Variants in TAFA5 observed in about 807,000 individuals in gnomAD.
TAFA5 encodes TAFA chemokine like family member 5.
A neutral mutation model predicts 15.3 loss-of-function variants in TAFA5; 6 were observed. That is an observed-to-expected ratio of 0.39 (90% CI 0.21 to 0.77). The LOEUF (loss-of-function observed/expected upper bound fraction) is 0.77. Ranked by LOEUF, TAFA5 falls within the 30% of genes least tolerant of loss-of-function variation. The pLI is 0.41. For missense variants in TAFA5, 161 were observed against 193.1 expected, an observed-to-expected ratio of 0.83 and a Z score of 0.98; for synonymous variants, 103 against 80.7, an observed-to-expected ratio of 1.28 and a Z score of -1.48.
intron 1 of TAFA5, among the ~76,000 whole-genome samples, chr22:48,625,670 A>G (rs1926003905): frequency 6.6e-6 from 1 of 152,174 alleles, no homozygotes; most frequent in Admixed American, 6.5e-5. Flanking sequence ...AACGCCAGAT[A>G]AAAGTCCTGC....
chr22:48,497,297 C>T (rs919613630), intron 1 of TAFA5, among the ~76,000 whole-genome samples: 2 of 152,188 alleles, frequency 1.3e-5, no homozygotes, highest in African/African-American at 4.8e-5. Flanking sequence ...TCCCACGGGG[C>T]CCGGCAGGGT....
intron 1 of TAFA5, 80 bp from the exon 2 acceptor site, chr22:48,646,517 G>T: frequency 6.5e-7 from 1 of 1,541,746 alleles, no homozygotes; most frequent in Non-Finnish European, 8.8e-7. Flanking sequence ...GGGCCCCTCT[G>T]TGGGTGGGCT....
chr22:48,618,209 G>C (rs1925681572), intron 1 of TAFA5, among the ~76,000 whole-genome samples: 1 of 152,248 alleles, frequency 6.6e-6, no homozygotes, highest in East Asian at 1.9e-4. Context: ...TGGGGCTCTG[G>C]AAGTCTCTAC....
chr22:48,646,215 T>C (rs1188224203), intron 1 of TAFA5, among the ~76,000 whole-genome samples: 4 of 152,266 alleles, frequency 2.6e-5, no homozygotes, highest in Non-Finnish European at 4.4e-5. Flanking sequence ...GCACTGTGCC[T>C]CGTACAGCCC....
rs367566308 is a variant in TAFA5 at position 48,727,031 on chromosome 22, T to G, written c.390+19187T>G. Among the ~76,000 whole-genome samples the G allele has an allele frequency of 2.9e-4, 44 of 152,270 alleles. 1 individual carries two copies. In the South Asian group the frequency reaches 3.9e-3, roughly 14 times the overall value. ...GTATGCTTAAATTATTGCTATCAGG[T>G]ACATTTATCATACCACCTACATACC... On this transcript the variant is annotated intron_variant, in intron 3 of 3. Transcript: ENST00000402357.
At chr22:48,511,273 C>T (rs1462014194) in intron 1 of TAFA5, among the ~76,000 whole-genome samples, 1 of 152,100 alleles carries the variant, frequency 6.6e-6, no homozygotes, top group African/African-American at 2.4e-5. Flanking sequence ...AGTCTGGAAT[C>T]CCACAGGAAA....
At chr22:48,597,045 G>T (rs1601604251) in intron 1 of TAFA5, among the ~76,000 whole-genome samples, 1 of 152,316 alleles carries the variant, frequency 6.6e-6, no homozygotes, top group African/African-American at 2.4e-5. Context: ...AGGCTCTGGC[G>T]ATCCTCCCGT....
chr22:48,586,677 G>A (rs1038833202), intron 1 of TAFA5, among the ~76,000 whole-genome samples: 5 of 152,228 alleles, frequency 3.3e-5, no homozygotes, highest in Admixed American at 3.3e-4. Context: ...ATTTTGCCTG[G>A]CTTCTCTGGA....
chr22:48,499,943 A>C (rs745866351), intron 1 of TAFA5, among the ~76,000 whole-genome samples: 1 of 152,188 alleles, frequency 6.6e-6, no homozygotes, highest in Non-Finnish European at 1.5e-5. Context: ...CTGCAGCTCC[A>C]GATCTGGTCA....
At chr22:48,738,877 G>T (rs6010515) in intron 3 of TAFA5, among the ~76,000 whole-genome samples, 2,926 of 152,188 alleles carry the variant, frequency 0.019, 94 homozygotes, top group African/African-American at 0.066. Flanking sequence ...CAGAATTCAG[G>T]GCCAAGATGG....
Position 48,489,854 on chromosome 22 carries a change from G to T in TAFA5, c.112+150G>T, listed in dbSNP as rs947347430. On this transcript the variant is annotated intron_variant, in intron 1 of 3. Coordinates refer to ENST00000402357, the MANE Select transcript of TAFA5 (RefSeq NM_001082967.3). This position sits in a 1 kb window ranked among gnomAD's most constrained non-coding sequence, Gnocchi z 5.5. ...TCCCCCGAGTCCCGGCCGGTCCAAC[G>T]CTGCGCTGGGCGGGCGAGAGGGTCC... The T allele has an allele frequency of 2.3e-6, 1 of 431,100 alleles. No homozygotes were observed. The highest frequency in any genetic ancestry group is 4.0e-6 in the Non-Finnish European group (1 of 251,272). 26.7% of individuals were successfully genotyped at this position (431,100 alleles called of 1,614,324 possible).
intron 1 of TAFA5, among the ~76,000 whole-genome samples, chr22:48,542,238 G>A (rs1437228469): frequency 6.9e-6 from 1 of 145,700 alleles, no homozygotes; most frequent in East Asian, 2.1e-4. Context: ...TGCTGTGTGT[G>A]TGTGCATATG....
chr22:48,510,524 C>G (rs1447202748), intron 1 of TAFA5, among the ~76,000 whole-genome samples: 1 of 152,218 alleles, frequency 6.6e-6, no homozygotes, highest in African/African-American at 2.4e-5. Context: ...GAGTGCAAAC[C>G]TTCATTCTGT....
intron 1 of TAFA5, among the ~76,000 whole-genome samples, chr22:48,635,457 G>C (rs1926411836): frequency 6.6e-6 from 1 of 152,228 alleles, no homozygotes; most frequent in South Asian, 2.1e-4. Context: ...CCTACCCAGG[G>C]GGCCCAGAAC....
At position 48,677,441 on chromosome 22, in the gene TAFA5, T is replaced by C. The variant is rs142598256; in HGVS notation, c.263-30276T>C. Among the ~76,000 whole-genome samples, 343 of 152,336 alleles carry C rather than the reference T, an allele frequency of 2.3e-3. 2 individuals are homozygous for C. Among genetic ancestry groups the C allele is most frequent in the African/African-American group, 8.0e-3 (332 of 41,584 alleles). On this transcript the variant is annotated intron_variant, in intron 2 of 3. Coordinates refer to ENST00000402357, the MANE Select transcript of TAFA5 (RefSeq NM_001082967.3). ...GCAGAAGGGACATGTATCCAGGCTG[T>C]AGTGACCTTCCCGTGTTCTTGAGGG...
At chr22:48,686,551 A>T (rs957386030) in intron 2 of TAFA5, among the ~76,000 whole-genome samples, 1 of 152,282 alleles carries the variant, frequency 6.6e-6, no homozygotes, top group Non-Finnish European at 1.5e-5. Flanking sequence ...TCATAATTGC[A>T]GGGGGGCACA....
At chr22:48,635,114 C>T (rs945118213) in intron 1 of TAFA5, among the ~76,000 whole-genome samples, 1 of 152,214 alleles carries the variant, frequency 6.6e-6, no homozygotes, top group Non-Finnish European at 1.5e-5. Context: ...ACGCAGAGCA[C>T]AGCCGGCCTT....
chr22:48,567,580 G>A (rs1923449763), intron 1 of TAFA5, among the ~76,000 whole-genome samples: 1 of 152,214 alleles, frequency 6.6e-6, no homozygotes, highest in African/African-American at 2.4e-5. Context: ...TGGCCAGCGT[G>A]GGCAGGTGGC....
At chr22:48,578,647 TC>T (rs1349214213) in intron 1 of TAFA5, among the ~76,000 whole-genome samples, 1 of 152,138 alleles carries the variant, frequency 6.6e-6, no homozygotes, top group Non-Finnish European at 1.5e-5. Context: ...CGATTGCGGG[TC>T]CCAGTGTTTG....
Sources: gnomAD v4.1 joint callset for allele counts (sites outside exome capture counted in the v4.1 genomes callset) on GRCh38, gnomAD v4.1.1 for gene constraint, Gnocchi (gnomAD v3.1) non-coding constraint, MANE v1.5 for transcripts, NCBI Gene and HGNC (gene_info 2026-07-23, HGNC 2026-07-21) for gene names.